Variants in TYW1B observed in about 807,000 individuals in gnomAD.
The protein encoded by TYW1B is tRNA-yW synthesizing protein 1 homolog B, also known as S-adenosyl-L-methionine-dependent tRNA 4-demethylwyosine synthase TYW1B.
Under a neutral mutation model 86.9 loss-of-function variants are expected in TYW1B, and 73 were observed. That is an observed-to-expected ratio of 0.84 (90% CI 0.70 to 1.02). The LOEUF (loss-of-function observed/expected upper bound fraction) is 1.02, where lower values mean the gene tolerates loss of function less well. TYW1B is among the 50% of genes least tolerant of loss of function. TYW1B has a pLI of 0.00. For synonymous variants in TYW1B, 248 were observed against 292.8 expected, an observed-to-expected ratio of 0.85 and a Z score of 1.56; for missense variants, 637 against 827.4, an observed-to-expected ratio of 0.77 and a Z score of 2.82.
chr7:72,690,937 G>A (rs1324269567), intron 11 of TYW1B, among the ~76,000 whole-genome samples: 14 of 152,050 alleles, frequency 9.2e-5, no homozygotes, highest in African/African-American at 3.4e-4. Context: ...ATCTGTAGTA[G>A]AGACGGGGTT....
At chr7:72,808,500 A>G (rs1788537351) in intron 4 of TYW1B, among the ~76,000 whole-genome samples, 1 of 151,542 alleles carries the variant, frequency 6.6e-6, no homozygotes. Context: ...ACACAACAAT[A>G]GAATGAAAAC....
intron 11 of TYW1B, among the ~76,000 whole-genome samples, chr7:72,690,578 AT>A (rs1157906638): frequency 6.6e-6 from 1 of 152,228 alleles, no homozygotes; most frequent in East Asian, 1.9e-4. Flanking sequence ...ACAAATCAAA[AT>A]TTTTTGTTTA....
chr7:72,711,728 C>A (rs1312931835), intron 10 of TYW1B, among the ~76,000 whole-genome samples: 1 of 151,804 alleles, frequency 6.6e-6, no homozygotes, highest in Non-Finnish European at 1.5e-5. Context: ...ACCTGGTGAT[C>A]CGCCCGTCTC....
intron 11 of TYW1B, among the ~76,000 whole-genome samples, chr7:72,643,960 G>T (rs1277864389): frequency 6.6e-6 from 1 of 152,094 alleles, no homozygotes; most frequent in East Asian, 1.9e-4. Flanking sequence ...TGACAGTTCA[G>T]CATCTCTCAT....
intron 13 of TYW1B, among the ~76,000 whole-genome samples, chr7:72,609,818 G>A (rs143458994): frequency 0.015 from 2,238 of 152,210 alleles, 124 homozygotes; most frequent in East Asian, 0.11. Context: ...TGCATACTCC[G>A]AGATCAACAA....
chr7:72,600,302 C>A (rs1237844924), intron 13 of TYW1B, among the ~76,000 whole-genome samples: 1 of 152,190 alleles, frequency 6.6e-6, no homozygotes, highest in Non-Finnish European at 1.5e-5. Flanking sequence ...GGTACTTTAA[C>A]AATTGGATGT....
chr7:72,635,372 G>A (rs1190466158), intron 11 of TYW1B, among the ~76,000 whole-genome samples: 6 of 152,096 alleles, frequency 3.9e-5, no homozygotes, highest in African/African-American at 1.4e-4. Flanking sequence ...TCTCAACCAG[G>A]AGCGATTCTG....
intron 11 of TYW1B, among the ~76,000 whole-genome samples, chr7:72,632,257 T>C (rs1812509224): frequency 9.4e-6 from 1 of 105,930 alleles, no homozygotes. Context: ...AGACCCTGTC[T>C]CCAAAAAATA....
intron 8 of TYW1B, among the ~76,000 whole-genome samples, chr7:72,740,024 G>A (rs1787273467): frequency 6.7e-6 from 1 of 148,708 alleles, no homozygotes; most frequent in South Asian, 2.2e-4. Flanking sequence ...TTGAGGCCAG[G>A]AGTTCGAGAC....
chr7:72,706,425 C>T (rs1814616219), intron 10 of TYW1B, among the ~76,000 whole-genome samples: 2 of 115,620 alleles, frequency 1.7e-5, no homozygotes, highest in Non-Finnish European at 3.6e-5. Context: ...GAAACTCCTC[C>T]ATCTCCAAAA....
rs1788022424 is a variant in TYW1B, at chr7:72,779,922, C to T, written c.847-2389G>A. Among the ~76,000 whole-genome samples the T allele has an allele frequency of 4.0e-5, 6 of 149,674 alleles. No individual in the cohort carries two copies. The South Asian group carries it at 1.0e-3, about 26-fold the overall frequency. Reference sequence around the variant, plus strand: ...TCCTAAAAGTCAGCATTCCAAATTACTAAATATAATCAAAATGCAAGGCAA... The same window carrying T: ...TCCTAAAAGTCAGCATTCCAAATTATTAAATATAATCAAAATGCAAGGCAA... On this transcript the variant is annotated intron_variant, in intron 6 of 13. Coordinates refer to ENST00000620995, the MANE Select transcript of TYW1B (RefSeq NM_001145440.3).
At chr7:72,806,149 C>T (rs918636695) in intron 5 of TYW1B, among the ~76,000 whole-genome samples, 4 of 151,610 alleles carry the variant, frequency 2.6e-5, no homozygotes, top group Admixed American at 6.6e-5. Context: ...TCTGTGGCTC[C>T]GTTTCGCAAC....
chr7:72,666,412 C>T (rs1457945968), intron 11 of TYW1B, among the ~76,000 whole-genome samples: 1 of 151,790 alleles, frequency 6.6e-6, no homozygotes, highest in Non-Finnish European at 1.5e-5. Flanking sequence ...GGCAACAGAG[C>T]AAAACCCTGT....
At chr7:72,753,530 G>T (rs997285458) in intron 7 of TYW1B, among the ~76,000 whole-genome samples, 6 of 148,778 alleles carry the variant, frequency 4.0e-5, no homozygotes, top group Admixed American at 2.7e-4. Context: ...GCCCAGCCTG[G>T]AGTGCAGTGG....
At chr7:72,649,928 C>T (rs1253467951) in intron 11 of TYW1B, among the ~76,000 whole-genome samples, 4 of 152,012 alleles carry the variant, frequency 2.6e-5, no homozygotes, top group African/African-American at 7.2e-5. Flanking sequence ...CTTGCTCTGT[C>T]GCCCAGACTG....
intron 12 of TYW1B, among the ~76,000 whole-genome samples, chr7:72,627,704 C>A (rs1339238302): frequency 6.6e-6 from 1 of 152,072 alleles, no homozygotes; most frequent in Non-Finnish European, 1.5e-5. Context: ...TTGGAGTATA[C>A]AGGACCACCA....
intron 13 of TYW1B, among the ~76,000 whole-genome samples, chr7:72,579,695 G>C (rs1811106218): frequency 6.6e-6 from 1 of 152,072 alleles, no homozygotes; most frequent in African/African-American, 2.4e-5. Context: ...CTGTCACCCA[G>C]GCTGGAGTGC....
intron 3 of TYW1B, among the ~76,000 whole-genome samples, chr7:72,814,287 CTA>C (rs1380720079): frequency 6.6e-6 from 1 of 151,742 alleles, no homozygotes; most frequent in Admixed American, 6.6e-5. Flanking sequence ...GACCGTATCT[CTA>C]TAAAAAATCT....
At chr7:72,774,226 C>G (rs1787914103) in intron 7 of TYW1B, among the ~76,000 whole-genome samples, 1 of 151,902 alleles carries the variant, frequency 6.6e-6, no homozygotes, top group South Asian at 2.1e-4. Context: ...TCTAAAGATG[C>G]ACAAGGCATT....
Sources: allele counts gnomAD v4.1 joint callset (sites outside exome capture counted in the v4.1 genomes callset), GRCh38; gene constraint gnomAD v4.1.1; transcripts MANE v1.5; gene names NCBI Gene and HGNC (gene_info 2026-07-23, HGNC 2026-07-21).